PCDHA5: variants seen among roughly 807,000 people sequenced by gnomAD.
PCDHA5 encodes protocadherin alpha 5.
In PCDHA5, 43 loss-of-function variants were observed where a neutral mutation model predicts 61.6. That is an observed-to-expected ratio of 0.70 (90% CI 0.55 to 0.90). PCDHA5 has a LOEUF of 0.90. Among genes scored for constraint, PCDHA5 ranks in the 40% least tolerant of loss-of-function variants. PCDHA5 has a pLI of 0.00. For missense variants in PCDHA5, 1,298 were observed against 1,222.7 expected, an observed-to-expected ratio of 1.06 and a Z score of -0.92; for synonymous variants, 627 against 543.9, an observed-to-expected ratio of 1.15 and a Z score of -2.13.
At chr5:140,911,365 TG>T (rs1554194694) in intron 1 of PCDHA5, among the ~76,000 whole-genome samples, 1 of 152,218 alleles carries the variant, frequency 6.6e-6, no homozygotes, top group East Asian at 1.9e-4. Flanking sequence ...AGTAGACACC[TG>T]GCAAGGCTGT....
intron 1 of PCDHA5, among the ~76,000 whole-genome samples, chr5:140,956,676 G>A (rs1281224695): frequency 5.3e-5 from 8 of 152,126 alleles, no homozygotes; most frequent in Admixed American, 2.0e-4. Flanking sequence ...GAGTTAGGGA[G>A]GAGTACCTCC....
intron 1 of PCDHA5, among the ~76,000 whole-genome samples, chr5:140,916,789 C>T (rs146305877): frequency 2.8e-4 from 42 of 152,168 alleles, no homozygotes; most frequent in Non-Finnish European, 4.7e-4. Context: ...TTAGCTGCCC[C>T]AGCTGATGAC....
intron 1 of PCDHA5, among the ~76,000 whole-genome samples, chr5:140,935,657 T>C (rs2090486652): frequency 1.3e-5 from 2 of 152,176 alleles, no homozygotes; most frequent in Non-Finnish European, 2.9e-5. Flanking sequence ...TTTAATTTTC[T>C]TTTATAATTA....
At chr5:140,961,214 A>C (rs1406613180) in intron 1 of PCDHA5, among the ~76,000 whole-genome samples, 4 of 152,288 alleles carry the variant, frequency 2.6e-5, no homozygotes, top group East Asian at 3.9e-4. Context: ...ATTGATGAAG[A>C]AACTGGGTCC....
At chr5:140,850,748 G>T (rs2150496861) in intron 1 of PCDHA5, 2 of 1,597,980 alleles carry the variant, frequency 1.3e-6, no homozygotes, top group South Asian at 1.1e-5. Flanking sequence ...GGTCGTACTC[G>T]CAGCAGAGGA....
chr5:141,001,943 A>G (rs1197227753), intron 3 of PCDHA5, among the ~76,000 whole-genome samples: 1 of 147,256 alleles, frequency 6.8e-6, no homozygotes, highest in African/African-American at 2.7e-5. Flanking sequence ...GAGCGGAAAT[A>G]AGGAGGAGGG....
Position 140,969,579 on chromosome 5 carries a change from G to A in PCDHA5, c.2353-9370G>A, listed in dbSNP as rs373969836. Reference sequence around the variant, plus strand: ...TCCATAAAATTGTTTGAGAAGTGAGGATTAGTCTTAATATTTAATGCTAAA... The same window carrying A: ...TCCATAAAATTGTTTGAGAAGTGAGAATTAGTCTTAATATTTAATGCTAAA... On this transcript the variant is annotated intron_variant, in intron 1 of 3. Coordinates refer to ENST00000529859, the MANE Select transcript of PCDHA5 (RefSeq NM_018908.3). 1,666 of 951,704 alleles carry A rather than the reference G, an allele frequency of 1.8e-3. 9 individuals carry two copies. The Middle Eastern group carries it at 0.019, about 11-fold the overall frequency. 59.0% of individuals were successfully genotyped at this position (951,704 alleles called of 1,614,324 possible). A position where few individuals can be genotyped will look rare whatever the true frequency, so the allele number is the denominator to read the frequency against.
intron 1 of PCDHA5, chr5:140,882,302 C>T (rs2059055627): frequency 1.2e-6 from 2 of 1,613,794 alleles, no homozygotes; most frequent in Non-Finnish European, 8.5e-7. Context: ...CCCAAGACCG[C>T]GGCAACTACT....
At position 141,010,692 on chromosome 5, in the gene PCDHA5, G is replaced by A. The variant is rs1415098319; in HGVS notation, c.*755G>A. The A allele has an allele frequency of 1.9e-5, 3 of 159,998 alleles. No homozygotes were observed. The highest frequency in any genetic ancestry group is 7.2e-5 in the African/African-American group (3 of 41,584). 9.9% of individuals were successfully genotyped at this position (159,998 alleles called of 1,614,324 possible). On this transcript the variant is annotated 3_prime_UTR_variant, in exon 4 of 4. Coordinates refer to ENST00000529859, the MANE Select transcript of PCDHA5 (RefSeq NM_018908.3). ...TGGGAAACAGAAGCAGATCTGATGT[G>A]TTTCCTATACATGTCCTGTGCTCAC...
At chr5:140,969,045 C>A (rs782611179) in intron 1 of PCDHA5, 1 of 1,614,090 alleles carries the variant, frequency 6.2e-7, no homozygotes, top group Admixed American at 1.7e-5. Context: ...TACAAACAAG[C>A]CAACAACAAT....
rs1186272048 is a variant in PCDHA5, at chr5:140,851,988, ATTTG to A, written c.2352+27869_2352+27872del. ...CCACACTCTACCTTTAGTGCAAGCT[ATTTG>A]TTTGTTTTCTAATTTATAGTTTTAA... On this transcript the variant is annotated intron_variant, in intron 1 of 3. Coordinates refer to ENST00000529859, the MANE Select transcript of PCDHA5 (RefSeq NM_018908.3). The A allele has an allele frequency of 2.0e-6, 2 of 975,736 alleles. 1 individual carries two copies. Among genetic ancestry groups the A allele is most frequent in the African/African-American group, 3.5e-5 (2 of 56,556 alleles). 60.4% of individuals were successfully genotyped at this position (975,736 alleles called of 1,614,324 possible).
intron 1 of PCDHA5, among the ~76,000 whole-genome samples, chr5:140,937,187 G>A (rs1443565443): frequency 6.6e-6 from 1 of 151,764 alleles, no homozygotes; most frequent in Non-Finnish European, 1.5e-5. Context: ...ACAGGCGCCC[G>A]CCACCATGCC....
intron 2 of PCDHA5, among the ~76,000 whole-genome samples, chr5:140,979,231 C>T (rs1203154373): frequency 6.6e-6 from 1 of 152,186 alleles, no homozygotes; most frequent in Non-Finnish European, 1.5e-5. Context: ...TCTGTAAAAT[C>T]ACAGAAACAG....
intron 3 of PCDHA5, among the ~76,000 whole-genome samples, chr5:140,989,839 A>G (rs2097362613): frequency 6.6e-6 from 1 of 152,166 alleles, no homozygotes; most frequent in Admixed American, 6.5e-5. Context: ...CCTGTCAATG[A>G]GTGTGTGGAC....
intron 1 of PCDHA5, among the ~76,000 whole-genome samples, chr5:140,923,974 C>A (rs2081604148): frequency 6.6e-6 from 1 of 152,212 alleles, no homozygotes; most frequent in African/African-American, 2.4e-5. Flanking sequence ...CCCACACATA[C>A]TATCCCTCTA....
intron 1 of PCDHA5, among the ~76,000 whole-genome samples, chr5:140,846,373 C>CTTTTTTTTTT (rs374699051): frequency 3.6e-5 from 2 of 55,152 alleles, no homozygotes; most frequent in South Asian, 1.0e-3. Flanking sequence ...TTCTTTCTTT[C>CTTTTTTTTTT]TTTTTTTTTT....
chr5:140,984,042 T>C (rs2097082521), intron 3 of PCDHA5, among the ~76,000 whole-genome samples: 1 of 152,148 alleles, frequency 6.6e-6, no homozygotes, highest in Non-Finnish European at 1.5e-5. Flanking sequence ...ATAAAATAGT[T>C]CATTGACAAA....
chr5:140,891,418 C>G (rs2063090538), intron 1 of PCDHA5, among the ~76,000 whole-genome samples: 1 of 146,594 alleles, frequency 6.8e-6, no homozygotes, highest in Non-Finnish European at 1.5e-5. Flanking sequence ...CCACTCTTGC[C>G]CCCAAGTCCC....
chr5:140,995,184 T>G (rs1382886542), intron 3 of PCDHA5, among the ~76,000 whole-genome samples: 3 of 152,168 alleles, frequency 2.0e-5, no homozygotes, highest in African/African-American at 7.2e-5. Flanking sequence ...GCACCTATGA[T>G]AAAGTTTAAT....
Sources: allele counts gnomAD v4.1 joint callset (sites outside exome capture counted in the v4.1 genomes callset), GRCh38; gene constraint gnomAD v4.1.1; transcripts MANE v1.5; gene names NCBI Gene and HGNC (gene_info 2026-07-23, HGNC 2026-07-21).